HERC1: variants seen among roughly 807,000 people sequenced by gnomAD.
HERC1 encodes probable E3 ubiquitin-protein ligase HERC1.
A neutral mutation model predicts 554.3 loss-of-function variants in HERC1; 160 were observed. The ratio of observed to expected loss-of-function variants is 0.29; its 90% CI spans 0.25 to 0.33. The LOEUF (loss-of-function observed/expected upper bound fraction) is 0.33. HERC1 is among the 10% of genes least tolerant of loss of function. HERC1 has a pLI of 1.00. For synonymous variants in HERC1, 2,175 were observed against 2,131.7 expected (o/e 1.02, Z -0.56); for missense variants, 4,919 against 5,918.5 (o/e 0.83, Z 5.54).
At chr15:63,671,870 AAG>A (rs2070945774) in intron 39 of HERC1, among the ~76,000 whole-genome samples, 1 of 152,242 alleles carries the variant, frequency 6.6e-6, no homozygotes, top group Non-Finnish European at 1.5e-5. Context: ...AGTCATAGTT[AAG>A]AGAGCTCATA....
intron 1 of HERC1, among the ~76,000 whole-genome samples, chr15:63,820,386 T>C (rs1053245169): frequency 8.5e-5 from 13 of 152,184 alleles, no homozygotes; most frequent in Non-Finnish European, 1.6e-4. Context: ...TATAACAAAG[T>C]TCAATGATAC....
intron 63 of HERC1, 53 bp downstream of exon 63, chr15:63,638,358 A>T (rs1015937971): frequency 6.4e-7 from 1 of 1,571,428 alleles, no homozygotes; most frequent in African/African-American, 1.4e-5. Context: ...AAGCAAAAGA[A>T]TTAGAATTTT....
chr15:63,824,844 GA>G (rs375372024), intron 1 of HERC1, among the ~76,000 whole-genome samples: 5,159 of 126,396 alleles, frequency 0.041, 99 homozygotes, highest in Middle Eastern at 0.1. Context: ...TCAGACGTAG[GA>G]AAAAAAAAAA....
At chr15:63,810,694 TGTA>T (rs1468240525) in intron 1 of HERC1, among the ~76,000 whole-genome samples, 2 of 152,298 alleles carry the variant, frequency 1.3e-5, no homozygotes, top group Non-Finnish European at 2.9e-5. Context: ...GGGAAAGCGT[TGTA>T]GGAGAGACAA....
intron 1 of HERC1, among the ~76,000 whole-genome samples, chr15:63,782,767 G>A (rs186303140): frequency 1.6e-3 from 242 of 152,340 alleles, no homozygotes; most frequent in Non-Finnish European, 2.9e-3. Context: ...GCCATTAAGA[G>A]CATCCATGGT....
chr15:63,644,548 T>C (rs2069233159), intron 57 of HERC1, among the ~76,000 whole-genome samples: 1 of 152,162 alleles, frequency 6.6e-6, no homozygotes, highest in Admixed American at 6.5e-5. Context: ...CTTCTAACCC[T>C]AGCTTCATGA....
chr15:63,804,946 G>A (rs1368889707), intron 1 of HERC1, among the ~76,000 whole-genome samples: 1 of 152,212 alleles, frequency 6.6e-6, no homozygotes, highest in Non-Finnish European at 1.5e-5. Context: ...CTAGGTATTG[G>A]TGAGGATGTC....
chr15:63,656,007 C>A lies in HERC1; in HGVS notation c.9871-52G>T, dbSNP rs551921034. ...TTAATTTTTACATGTAATTTTGGAA[C>A]AAAAATATTTCATTTCAAAAGGCTC... On this transcript the variant is annotated intron_variant, in intron 49 of 77. Coordinates refer to ENST00000443617, the MANE Select transcript of HERC1 (RefSeq NM_003922.4). The A allele has an allele frequency of 6.3e-6, 10 of 1,591,876 alleles. No homozygotes were observed. In the South Asian group the frequency reaches 6.8e-5, roughly 11 times the overall value.
intron 10 of HERC1, among the ~76,000 whole-genome samples, chr15:63,748,530 A>G (rs2075136283): frequency 6.6e-6 from 1 of 152,148 alleles, no homozygotes; most frequent in Non-Finnish European, 1.5e-5. Flanking sequence ...ATATACTGAA[A>G]TCTATTAAAA....
intron 1 of HERC1, chr15:63,779,808 G>A (rs1239951737): frequency 6.6e-6 from 1 of 152,130 alleles, no homozygotes; most frequent in Non-Finnish European, 1.5e-5. Context: ...GAGGTCAAGA[G>A]ATGGAGACCA....
In HERC1 at chr15:63,755,415, C is replaced by T; in HGVS notation, c.1534-90G>A. On this transcript the variant is annotated intron_variant, in intron 5 of 77. Coordinates refer to ENST00000443617, the MANE Select transcript of HERC1 (RefSeq NM_003922.4). Reference sequence around the variant, plus strand: ...CCTATACACAGAGACTTCACAGATACTAATATTCACAACCCATCCAGGAAT... The same window carrying T: ...CCTATACACAGAGACTTCACAGATATTAATATTCACAACCCATCCAGGAAT... 3 of 968,470 alleles carry T rather than the reference C, an allele frequency of 3.1e-6. No homozygotes were observed. The African/African-American group carries it at 4.8e-5, about 16-fold the overall frequency. 60.0% of individuals were successfully genotyped at this position (968,470 alleles called of 1,614,324 possible). A position where few individuals can be genotyped will look rare whatever the true frequency, so the allele number is the denominator to read the frequency against.
chr15:63,690,705 G>T, intron 31 of HERC1, 58 bp from the exon 32 acceptor site: 1 of 1,088,788 alleles, frequency 9.2e-7, no homozygotes, highest in Non-Finnish European at 1.4e-6. Flanking sequence ...AAGTTAAAAT[G>T]AACTTCTGGG....
chr15:63,720,591 A>G (rs957663811), intron 19 of HERC1, among the ~76,000 whole-genome samples: 1 of 152,214 alleles, frequency 6.6e-6, no homozygotes, highest in Non-Finnish European at 1.5e-5. Flanking sequence ...ATTTAAGTTC[A>G]GACTTATCCT....
chr15:63,674,844 G>A lies in HERC1; in HGVS notation c.7344C>T (p.Asp2448=), dbSNP rs754595820. The change falls in exon 38 of 78, where the codon GAC becomes GAT. Residue 2448 remains aspartate, a synonymous_variant. Transcript: ENST00000443617. ...LDMRTGLTSD[D]VKSQSTTSSK... is the part of the protein sequence containing the mutation. ...AGCTTGTGGTACTCTGACTTTTGAC[G>A]TCATCAGATGTTAGGCCTGTTCGCA... 4.3e-6 allele frequency: 7 copies of A among 1,613,500 alleles called. No homozygotes were observed. The highest frequency in any genetic ancestry group is 1.7e-5 in the Admixed American group (1 of 59,978).
chr15:63,753,794 T>C (rs2075328528), intron 7 of HERC1, among the ~76,000 whole-genome samples: 1 of 152,258 alleles, frequency 6.6e-6, no homozygotes, highest in South Asian at 2.1e-4. Flanking sequence ...AATAAGAAAC[T>C]GGTTTTATAA....
chr15:63,666,457 C>T lies in HERC1; in HGVS notation c.8222G>A (p.Ser2741Asn). The T allele has an allele frequency of 6.2e-7, 1 of 1,611,260 alleles. No homozygotes were observed. Among genetic ancestry groups the T allele is most frequent in the Non-Finnish European group, 8.5e-7 (1 of 1,178,400 alleles). ...AGGAGGAGAAGTTGAAAGTCTACTG[C>T]TTGGGTCTGACAAGGCTGAGACAAA... is the stretch of plus-strand genomic sequence containing the variant. ...PANRTALSDP[S>N]SRLSTSPPPP... Residue 2741 changes from serine (S) to asparagine (N), a missense_variant, in exon 41 of 78, where the codon AGC (serine) becomes AAC (asparagine). Ser to Asn is a conservative substitution (Grantham distance 46). Coordinates refer to ENST00000443617, the MANE Select transcript of HERC1 (RefSeq NM_003922.4).
At chr15:63,772,366 T>A (rs2075980819) in intron 2 of HERC1, among the ~76,000 whole-genome samples, 1 of 152,026 alleles carries the variant, frequency 6.6e-6, no homozygotes, top group Non-Finnish European at 1.5e-5. Context: ...AAACATTTAA[T>A]CATATAACTA....
At position 63,662,007 on chromosome 15, in the gene HERC1, A is replaced by T; in HGVS notation, c.8916T>A (p.Ser2972=). Residue 2972 remains serine (S), a synonymous_variant, in exon 45 of 78, where the codon TCT becomes TCA. Transcript: ENST00000443617. Reference sequence around the variant, plus strand: ...ACACCACCACTTCTTCCCTGTCTTCAGACTCACAAACATGCTGCACAAAAG... The same window carrying T: ...ACACCACCACTTCTTCCCTGTCTTCTGACTCACAAACATGCTGCACAAAAG... ...LDWPTWHVCE[S]EDREEVVVCE... 1 of 1,612,524 alleles carries T rather than the reference A, an allele frequency of 6.2e-7. No homozygotes were observed. Among genetic ancestry groups the T allele is most frequent in the Non-Finnish European group, 8.5e-7 (1 of 1,178,576 alleles).
chr15:63,833,747 G>GCACACACACACACACACACA (rs1279912396), intron 1 of HERC1, 80 bp downstream of exon 1: 2 of 117,736 alleles, frequency 1.7e-5, no homozygotes, highest in African/African-American at 8.2e-5. Flanking sequence ...GCACACACGC[G>GCACACACACACACACACACA]CGCGCGCACA....
Sources: allele counts gnomAD v4.1 joint callset (sites outside exome capture counted in the v4.1 genomes callset), GRCh38; gene constraint gnomAD v4.1.1; transcripts MANE v1.5; gene names NCBI Gene and HGNC (gene_info 2026-07-23, HGNC 2026-07-21).